The following CDHR5 variants were observed in gnomAD, a reference collection of about 807,000 sequenced individuals.
CDHR5 encodes cadherin-related family member 5.
CDHR5 carries 82 observed loss-of-function variants against 69.5 expected under a neutral mutation model. The ratio of observed to expected loss-of-function variants is 1.18; its 90% confidence interval spans 0.99 to 1.42. CDHR5 has a LOEUF of 1.42. Among genes scored for constraint, CDHR5 ranks in the 40% most tolerant of loss-of-function variants. CDHR5 has a pLI of 0.00. For missense variants in CDHR5, 1,293 were observed against 1,168.9 expected (o/e 1.11, Z -1.55); for synonymous variants, 601 against 510.2 (o/e 1.18, Z -2.40).
In CDHR5 at chr11:617,054, C is replaced by T. The variant is rs1856945739; in HGVS notation, c.*297G>A. The T allele has an allele frequency of 2.2e-6, 1 of 460,278 alleles. No homozygotes were observed. Among genetic ancestry groups the T allele is most frequent in the South Asian group, 3.2e-5 (1 of 30,950 alleles). The allele number at this position is 460,278 out of a possible 1,614,324, so 28.5% of individuals were successfully genotyped here. On this transcript the variant is annotated 3_prime_UTR_variant, in exon 15 of 15. Coordinates refer to ENST00000397542, the MANE Select transcript of CDHR5 (RefSeq NM_021924.5). ...GTGGTTAGAGCGGGAGAGGAACTTCCCAGACTAGCTGGCACAGAGCCTCGG... is the reference window on the plus strand; with the variant it reads ...GTGGTTAGAGCGGGAGAGGAACTTCTCAGACTAGCTGGCACAGAGCCTCGG...
chr11:617,973 C>T lies in CDHR5; in HGVS notation c.2099G>A (p.Cys700Tyr), dbSNP rs1857077174. The change falls in exon 14 of 15, where the codon TGC (cysteine) becomes TAC (tyrosine). Residue 700 changes from cysteine (C) to tyrosine (Y), a missense_variant. Cys to Tyr is a radical substitution (Grantham distance 194, BLOSUM62 -2). Transcript: ENST00000397542. Reference protein sequence around the residue: ...VHKHYGPRLKCCCGKAPEPQP... With the variant: ...VHKHYGPRLKYCCGKAPEPQP... ...CCTCACCGGAGCTTTGCCACAGCAG[C>T]ACTTGAGCCGGGGGCCATAGTGCTT... is the stretch of plus-strand genomic sequence containing the variant. The T allele has an allele frequency of 1.9e-6, 3 of 1,611,864 alleles. No individual in the cohort carries two copies. The highest frequency in any genetic ancestry group is 2.7e-5 in the African/African-American group (2 of 74,888).
chr11:618,184 G>T, intron 13 of CDHR5, 73 bp from the exon 14 acceptor site: 2 of 1,304,588 alleles, frequency 1.5e-6, no homozygotes, highest in Non-Finnish European at 2.1e-6. Flanking sequence ...GCCAACCTGT[G>T]CCAGGCTTGG....
rs1401618317 is a variant in CDHR5, at chr11:617,109, G to A, written c.*242C>T. 4.8e-5 allele frequency: 26 copies of A among 541,512 alleles called. No individual in the cohort carries two copies. The East Asian group carries it at 6.2e-4, about 13-fold the overall frequency. The allele number at this position is 541,512 out of a possible 1,614,324, so 33.5% of individuals were successfully genotyped here. ...GCGGCGGGCACTGCAGGTGGTTTACGGGAAGTGCTGCAGCCTTGGGGTGGG... is the reference window on the plus strand; with the variant it reads ...GCGGCGGGCACTGCAGGTGGTTTACAGGAAGTGCTGCAGCCTTGGGGTGGG... On this transcript the variant is annotated 3_prime_UTR_variant, in exon 15 of 15. Transcript: ENST00000397542.
intron 7 of CDHR5, 118 bp downstream of exon 7, chr11:620,962 C>G (rs921681215): frequency 1.4e-6 from 1 of 705,882 alleles, no homozygotes; most frequent in East Asian, 2.9e-5. Flanking sequence ...AAATCACGAC[C>G]GAAATCGGCC....
rs1397888012 is a variant in CDHR5, at chr11:616,966, T to C, written c.*385A>G. 1 of 248,068 alleles carries C rather than the reference T, an allele frequency of 4.0e-6. No homozygotes were observed. Among genetic ancestry groups the C allele is most frequent in the African/African-American group, 2.3e-5 (1 of 43,958 alleles). The allele number at this position is 248,068 out of a possible 1,614,324, so 15.4% of individuals were successfully genotyped here. ...TGTGTAGGGTCGGGAGCGGGAGGTC[T>C]GAGATGAGCCGGGTGCCTGAGATCT... On this transcript the variant is annotated 3_prime_UTR_variant, in exon 15 of 15. Coordinates refer to ENST00000397542, the MANE Select transcript of CDHR5 (RefSeq NM_021924.5).
In CDHR5 at chr11:617,247, T is replaced by C. The variant is rs1321728403; in HGVS notation, c.*104A>G. 1.1e-6 allele frequency: 1 copy of C among 927,912 alleles called. No individual in the cohort carries two copies. Among genetic ancestry groups the C allele is most frequent in the Non-Finnish European group, 1.6e-6 (1 of 612,332 alleles). 57.5% of individuals were successfully genotyped at this position (927,912 alleles called of 1,614,324 possible). A position where few individuals can be genotyped will look rare whatever the true frequency, so the allele number is the denominator to read the frequency against. The stretch of plus-strand genomic sequence containing the variant: ...GGACCCGCGCGCCTGCCCCACGCCA[T>C]GGCCTGGGTTTCGGGAGCCTTGCTT... On this transcript the variant is annotated 3_prime_UTR_variant, in exon 15 of 15. Transcript: ENST00000397542.
In CDHR5 at chr11:621,708, G is replaced by T; in HGVS notation, c.406-45C>A. On this transcript the variant is annotated intron_variant, in intron 4 of 14. Transcript: ENST00000397542. The surrounding 1 kb of genome is among the most constrained non-coding windows in gnomAD (Gnocchi z 4.4). ...TGGTCCGGCCACACTCTTGGCCCCT[G>T]TGGACCCCCACTGTGGTTGAGCCCC... is the stretch of plus-strand genomic sequence containing the variant. 1.3e-6 allele frequency: 2 copies of T among 1,556,472 alleles called. No individual in the cohort carries two copies. Among genetic ancestry groups the T allele is most frequent in the Non-Finnish European group, 1.8e-6 (2 of 1,128,550 alleles).
chr11:621,930 C>G lies in CDHR5; in HGVS notation c.313-26G>C. On this transcript the variant is annotated intron_variant, in intron 3 of 14. Transcript: ENST00000397542. This position sits in a 1 kb window ranked among gnomAD's most constrained non-coding sequence, Gnocchi z 4.4. ...CTGCAGGATGTGGCCGTCAGCCTCT[C>G]CCACAGCCCCTCCCCGTTGTGAGGT... 6.4e-7 allele frequency: 1 copy of G among 1,574,592 alleles called. No homozygotes were observed. The highest frequency in any genetic ancestry group is 8.7e-7 in the Non-Finnish European group (1 of 1,147,824).
At chr11:618,545 C>T (rs1459180873) in intron 13 of CDHR5, 54 bp downstream of exon 13, 2 of 1,598,926 alleles carry the variant, frequency 1.3e-6, no homozygotes, top group Non-Finnish European at 1.7e-6. Flanking sequence ...ACAGCGTTTC[C>T]CATACCAGCC....
intron 7 of CDHR5, 90 bp downstream of exon 7, chr11:620,990 C>A: frequency 4.5e-6 from 4 of 881,042 alleles, no homozygotes; most frequent in South Asian, 2.2e-5. Flanking sequence ...CTGACCCCGA[C>A]CCCGCCCTTC....
In CDHR5 at chr11:624,150, C is replaced by CCGGCAGGG. The variant is rs1857575244; in HGVS notation, c.312+55_312+62dup. The CCGGCAGGG allele has an allele frequency of 1.4e-6, 1 of 720,960 alleles. No individual in the cohort carries two copies. 44.7% of individuals were successfully genotyped at this position (720,960 alleles called of 1,614,324 possible). The stretch of plus-strand genomic sequence containing the variant: ...GACGTCATCAAAGACTGGTCCTGGA[C>CCGGCAGGG]CGGCAGGGCAGAGCCCAGCAGAGGT... On this transcript the variant is annotated intron_variant, in intron 3 of 14. Transcript: ENST00000397542. The surrounding 1 kb of genome is among the most constrained non-coding windows in gnomAD (Gnocchi z 5.3).
intron 9 of CDHR5, 84 bp downstream of exon 9, chr11:619,983 G>A: frequency 7.4e-7 from 1 of 1,343,168 alleles, no homozygotes; most frequent in Non-Finnish European, 1.0e-6. Context: ...CGGGGGCCCT[G>A]CCCCGGCCCC....
Position 619,090 on chromosome 11 carries a change from C to A in CDHR5, c.1469G>T (p.Gly490Val), listed in dbSNP as rs1466004592. ...EVPRPPEPSQGPSTTSSGGGT... is the reference protein window; with the variant it reads ...EVPRPPEPSQVPSTTSSGGGT... ...TCCCCCAGAGCTGGTCGTGGAGGGT[C>A]CCTGGGAGGGCTCAGGGGGTCTGGG... Residue 490 changes from glycine (G) to valine (V), a missense_variant, in exon 13 of 15, where the codon GGA becomes GTA. Physicochemically the swap from Gly to Val is moderately radical, Grantham distance 109. Coordinates refer to ENST00000397542, the MANE Select transcript of CDHR5 (RefSeq NM_021924.5). The A allele has an allele frequency of 6.2e-7, 1 of 1,610,914 alleles. No homozygotes were observed.
At position 621,172 on chromosome 11, in the gene CDHR5, G is replaced by C; in HGVS notation, c.697C>G (p.Arg233Gly). Residue 233 changes from arginine (R) to glycine (G), a missense_variant, in exon 7 of 15, where the codon CGG becomes GGG. Transcript: ENST00000397542. The surrounding 1 kb of genome is among the most constrained non-coding windows in gnomAD (Gnocchi z 4.4). ...LVLNVVPADL[R>G]PPWFLPCTFS... ...GTGCAGGGCAGGAACCACGGGGGCC[G>C]CAGGTCGGCGGGCACCACGTTCAGC... The C allele has an allele frequency of 1.2e-6, 2 of 1,605,456 alleles. No homozygotes were observed. Among genetic ancestry groups the C allele is most frequent in the South Asian group, 1.1e-5 (1 of 89,788 alleles).
chr11:619,973 C>T (rs917122558), intron 9 of CDHR5, 92 bp from the exon 10 acceptor site: 18 of 1,402,314 alleles, frequency 1.3e-5, no homozygotes, highest in Non-Finnish European at 1.5e-5. Context: ...GCAGACTTGG[C>T]GGGGGCCCTG....
In CDHR5 at chr11:617,395, C is replaced by T; in HGVS notation, c.2494G>A (p.Gly832Arg). Residue 832 changes from glycine to arginine, a missense_variant, in exon 15 of 15, where the codon GGG becomes AGG. Physicochemically the swap from Gly to Arg is moderately radical, Grantham distance 125. Coordinates refer to ENST00000397542, the MANE Select transcript of CDHR5 (RefSeq NM_021924.5). ...CCACCGGGCGCATCGTAGGGACCCCCACCCCTCCCCGCGCCCTCGCCCTCA... is the reference window on the plus strand; with the variant it reads ...CCACCGGGCGCATCGTAGGGACCCCTACCCCTCCCCGCGCCCTCGCCCTCA... ...GDEGEGAGRG[G>R]GPYDAPGGDD... The T allele has an allele frequency of 1.2e-6, 2 of 1,610,356 alleles. No homozygotes were observed. Among genetic ancestry groups the T allele is most frequent in the African/African-American group, 1.3e-5 (1 of 74,912 alleles).
In CDHR5 at chr11:619,465, G is replaced by A. The variant is rs773605015; in HGVS notation, c.1293+9C>T. 1 of 1,608,248 alleles carries A rather than the reference G, an allele frequency of 6.2e-7. No individual in the cohort carries two copies. ...ACCCTTGGAGATGCCCGCCTGCCCT[G>A]CCCCGCACCTCTGCGTAGAAGGCTC... On this transcript the variant is annotated intron_variant, in intron 11 of 14. Transcript: ENST00000397542.
Position 617,317 on chromosome 11 carries a change from C to G in CDHR5, c.*34G>C, listed in dbSNP as rs902706878. On this transcript the variant is annotated 3_prime_UTR_variant, in exon 15 of 15. Transcript: ENST00000397542. The stretch of plus-strand genomic sequence containing the variant: ...GGCTGGGGGAGCGAGACCTCCAGTG[C>G]CCGTGCGGCTGGGGGAGAGGGTGGA... The G allele has an allele frequency of 2.0e-6, 3 of 1,504,468 alleles. No individual in the cohort carries two copies. Among genetic ancestry groups the G allele is most frequent in the Non-Finnish European group, 2.7e-6 (3 of 1,096,772 alleles). 93.2% of individuals were successfully genotyped at this position (1,504,468 alleles called of 1,614,324 possible). A position where few individuals can be genotyped will look rare whatever the true frequency, so the allele number is the denominator to read the frequency against.
intron 10 of CDHR5, 44 bp downstream of exon 10, chr11:619,637 C>T (rs1356253355): frequency 6.2e-7 from 1 of 1,609,468 alleles, no homozygotes. Flanking sequence ...CCACGTACAG[C>T]CCTGACCCAC....
Sources: allele counts gnomAD v4.1 joint callset, GRCh38; gene constraint gnomAD v4.1.1; non-coding constraint Gnocchi (gnomAD v3.1); transcripts MANE v1.5; gene names NCBI Gene and HGNC (gene_info 2026-07-23, HGNC 2026-07-21).